Variants in GPATCH8 observed in about 807,000 individuals in gnomAD.
GPATCH8 encodes the protein G-patch domain containing 8.
In GPATCH8, 18 loss-of-function variants were observed where a neutral mutation model predicts 118.3. The ratio of observed to expected loss-of-function variants is 0.15; its 90% confidence interval spans 0.11 to 0.23. The LOEUF (loss-of-function observed/expected upper bound fraction) is 0.23, where lower values mean the gene tolerates loss of function less well. Ranked by LOEUF, GPATCH8 falls within the 10% of genes least tolerant of loss-of-function variation. The pLI, the probability that GPATCH8 is intolerant of heterozygous loss-of-function variation, is 1.00. For synonymous variants in GPATCH8, 659 were observed against 684.7 expected (o/e 0.96, Z 0.59); for missense variants, 1,631 against 1,873.8 (o/e 0.87, Z 2.39).
In GPATCH8 at chr17:44,414,117, GTATATATATGTGTATA is replaced by G. The variant is rs1197453656; in HGVS notation, c.493-8082_493-8067del. Among the ~76,000 whole-genome samples, 57 of 138,094 alleles carry G rather than the reference GTATATATATGTGTATA, an allele frequency of 4.1e-4. 1 individual carries two copies. Among genetic ancestry groups the G allele is most frequent in the South Asian group, 1.6e-3 (7 of 4,510 alleles). The allele number at this position is 138,094 out of a possible 152,430, so 90.6% of individuals were successfully genotyped here. On this transcript the variant is annotated intron_variant, in intron 6 of 7. Coordinates refer to ENST00000591680, the MANE Select transcript of GPATCH8 (RefSeq NM_001002909.4). Reference sequence around the variant, plus strand: ...TATATATATGTGTGTATATATATATGTATATATATGTGTATATATATATATGTGTATATATATATGT... The same window carrying G: ...TATATATATGTGTGTATATATATATGTATATATATGTGTATATATATATGT...
intron 5 of GPATCH8, among the ~76,000 whole-genome samples, chr17:44,429,587 A>T (rs920007152): frequency 1.7e-4 from 26 of 150,850 alleles, no homozygotes; most frequent in African/African-American, 6.1e-4. Flanking sequence ...AGGCAGGTGG[A>T]TCACCTGAGG....
intron 1 of GPATCH8, among the ~76,000 whole-genome samples, chr17:44,491,680 C>G (rs1184193505): frequency 6.6e-6 from 1 of 151,726 alleles, no homozygotes; most frequent in Non-Finnish European, 1.5e-5. Flanking sequence ...AGACTCCATC[C>G]CTACAAAAAA....
chr17:44,464,754 G>T (rs918512418), intron 2 of GPATCH8: 1 of 554,970 alleles, frequency 1.8e-6, no homozygotes, highest in Non-Finnish European at 3.2e-6. Flanking sequence ...AACATATGGG[G>T]TAAGGGTCCT....
intron 6 of GPATCH8, among the ~76,000 whole-genome samples, chr17:44,409,940 T>G (rs545440465): frequency 6.6e-6 from 1 of 152,326 alleles, no homozygotes; most frequent in South Asian, 2.1e-4. Context: ...TCAAATAATT[T>G]TTTCTACTAT....
intron 6 of GPATCH8, among the ~76,000 whole-genome samples, chr17:44,414,192 T>C (rs2049590881): frequency 6.7e-6 from 1 of 150,012 alleles, no homozygotes; most frequent in Non-Finnish European, 1.5e-5. Flanking sequence ...CATACACACA[T>C]GTACATATGT....
chr17:44,424,758 C>T (rs994451642), intron 5 of GPATCH8, among the ~76,000 whole-genome samples: 16 of 151,970 alleles, frequency 1.1e-4, no homozygotes, highest in African/African-American at 3.9e-4. Flanking sequence ...TTCCAAAACC[C>T]CCAAAAAATC....
intron 1 of GPATCH8, among the ~76,000 whole-genome samples, chr17:44,479,669 AT>A (rs1269156756): frequency 6.6e-6 from 1 of 152,190 alleles, no homozygotes; most frequent in African/African-American, 2.4e-5. Context: ...CAATCAATAT[AT>A]GGAATAAAAA....
rs992579603 is a variant in GPATCH8, at chr17:44,396,827, T to C, written c.*741A>G. On this transcript the variant is annotated 3_prime_UTR_variant, in exon 8 of 8. Coordinates refer to ENST00000591680, the MANE Select transcript of GPATCH8 (RefSeq NM_001002909.4). ...GAAACATCAACACAACAGAAGAAAA[T>C]ATACCCTTCACTTTAGACACATGAG... is the stretch of plus-strand genomic sequence containing the variant. 15 of 454,238 alleles carry C rather than the reference T, an allele frequency of 3.3e-5. No homozygotes were observed. Among genetic ancestry groups the C allele is most frequent in the Admixed American group, 1.4e-4 (6 of 42,540 alleles). The allele number at this position is 454,238 out of a possible 1,614,324, so 28.1% of individuals were successfully genotyped here.
intron 1 of GPATCH8, among the ~76,000 whole-genome samples, chr17:44,478,387 T>C (rs895295774): frequency 1.3e-5 from 2 of 152,122 alleles, no homozygotes; most frequent in African/African-American, 2.4e-5. Context: ...CAGTGGCTCA[T>C]GCCTGTAATT....
At chr17:44,487,202 T>C (rs1968854305) in intron 1 of GPATCH8, among the ~76,000 whole-genome samples, 1 of 152,258 alleles carries the variant, frequency 6.6e-6, no homozygotes, top group Non-Finnish European at 1.5e-5. Flanking sequence ...CTGATCTTTT[T>C]ACTGTTTCTA....
chr17:44,442,120 TATAG>T (rs1322193662), intron 3 of GPATCH8, among the ~76,000 whole-genome samples: 1,957 of 126,234 alleles, frequency 0.016, 41 homozygotes, highest in African/African-American at 0.051. Context: ...TATATATATA[TATAG>T]AGAGAGAGAG....
intron 1 of GPATCH8, among the ~76,000 whole-genome samples, chr17:44,498,426 G>A (rs956794421): frequency 4.6e-5 from 7 of 152,232 alleles, no homozygotes; most frequent in Admixed American, 3.9e-4. Flanking sequence ...GTCTCTCTCT[G>A]TGATGTTGAG....
chr17:44,398,279 C>A lies in GPATCH8; in HGVS notation c.3798G>T (p.Glu1266Asp). 3 of 1,613,592 alleles carry A rather than the reference C, an allele frequency of 1.9e-6. No individual in the cohort carries two copies. The highest frequency in any genetic ancestry group is 2.5e-6 in the Non-Finnish European group (3 of 1,179,700). ...LDSSSQPGPVESSLLPIAPDL... is the reference protein window; with the variant it reads ...LDSSSQPGPVDSSLLPIAPDL... ...CTGGTGCTATAGGCAGCAAGCTGGA[C>A]TCCACAGGGCCTGGCTGACTGCTGC... Residue 1266 changes from glutamate to aspartate, a missense_variant, in exon 8 of 8, where the codon GAG becomes GAT. Physicochemically the swap from Glu to Asp is conservative, Grantham distance 45. Coordinates refer to ENST00000591680, the MANE Select transcript of GPATCH8 (RefSeq NM_001002909.4).
At chr17:44,414,317 C>T (rs1477830626) in intron 6 of GPATCH8, among the ~76,000 whole-genome samples, 1 of 151,860 alleles carries the variant, frequency 6.6e-6, no homozygotes, top group Non-Finnish European at 1.5e-5. Context: ...ACCCCACCCC[C>T]CTTTTTTGGA....
intron 1 of GPATCH8, among the ~76,000 whole-genome samples, chr17:44,481,994 C>T (rs1202205809): frequency 1.3e-5 from 2 of 151,916 alleles, no homozygotes; most frequent in East Asian, 3.9e-4. Flanking sequence ...TGGTAGTACA[C>T]GCCTGATATC....
At chr17:44,416,811 C>T (rs2049703916) in intron 6 of GPATCH8, among the ~76,000 whole-genome samples, 1 of 152,196 alleles carries the variant, frequency 6.6e-6, no homozygotes, top group African/African-American at 2.4e-5. Context: ...TCACTGGTGG[C>T]TGCTAGAGGC....
chr17:44,501,756 C>T (rs1970086059), intron 1 of GPATCH8, among the ~76,000 whole-genome samples: 1 of 152,190 alleles, frequency 6.6e-6, no homozygotes, highest in Non-Finnish European at 1.5e-5. Flanking sequence ...CAAAACTTAA[C>T]TGTCCATATT....
Position 44,398,940 on chromosome 17 carries a change from C to CCTT in GPATCH8, c.3134_3136dup (p.Glu1045dup). On this transcript the variant is annotated inframe_insertion, in exon 8 of 8. Transcript: ENST00000591680. ...TCTGCCATCATCTTTCTTCCCAGGA[C>CCTT]CTTCTCCCCGGCCTGATCGGAAATA... 6.2e-7 allele frequency: 1 copy of CCTT among 1,614,170 alleles called. No individual in the cohort carries two copies. Among genetic ancestry groups the CCTT allele is most frequent in the Non-Finnish European group, 8.5e-7 (1 of 1,180,032 alleles).
intron 3 of GPATCH8, among the ~76,000 whole-genome samples, chr17:44,455,128 T>C (rs112783347): frequency 6.6e-6 from 1 of 152,204 alleles, no homozygotes; most frequent in Non-Finnish European, 1.5e-5. Context: ...GGAAAAGGTA[T>C]AAATATTGAT....
Sources: gnomAD v4.1 joint callset for allele counts (sites outside exome capture counted in the v4.1 genomes callset) on GRCh38, gnomAD v4.1.1 for gene constraint, MANE v1.5 for transcripts, NCBI Gene and HGNC (gene_info 2026-07-23, HGNC 2026-07-21) for gene names.